Variants in MSI2 observed in about 807,000 individuals in gnomAD.
The protein encoded by MSI2 is RNA-binding protein Musashi homolog 2.
Under a neutral mutation model 45.6 loss-of-function variants are expected in MSI2, and 17 were observed. That is an observed-to-expected ratio of 0.37 (90% CI 0.26 to 0.56). The LOEUF is 0.56. Ranked by LOEUF, MSI2 falls within the 20% of genes least tolerant of loss-of-function variation. The pLI is 0.77. For missense variants in MSI2, 293 were observed against 444.2 expected, an observed-to-expected ratio of 0.66 and a Z score of 3.06; for synonymous variants, 156 against 158.2, an observed-to-expected ratio of 0.99 and a Z score of 0.11.
At chr17:57,476,977 C>T (rs1169196608) in intron 6 of MSI2, among the ~76,000 whole-genome samples, 1 of 151,198 alleles carries the variant, frequency 6.6e-6, no homozygotes, top group African/African-American at 2.5e-5. Context: ...AAGGCCTCAC[C>T]CCCGTCTGGC....
chr17:57,256,455 AGGAGATGGGGGTGGGGAGGAGGAGGG>A (rs1906715212), upstream of MSI2: 2 of 98,930 alleles, frequency 2.0e-5, no homozygotes, highest in Middle Eastern at 2.7e-3. Flanking sequence ...GAGGAGGAGG[AGGAGATGGGGGTGGGGAGGAGGAGGG>A]GGAGAGGTGG....
At position 57,596,129 on chromosome 17, in the gene MSI2, GAAGAAA is replaced by G. The variant is rs1567924387; in HGVS notation, c.455-738_455-733del. Among the ~76,000 whole-genome samples, 3 of 152,208 alleles carry G rather than the reference GAAGAAA, an allele frequency of 2.0e-5. No homozygotes were observed. Among genetic ancestry groups the G allele is most frequent in the African/African-American group, 7.2e-5 (3 of 41,458 alleles). On this transcript the variant is annotated intron_variant, in intron 7 of 13. Coordinates refer to ENST00000284073, the MANE Select transcript of MSI2 (RefSeq NM_138962.4). The surrounding 1 kb of genome is among the most constrained non-coding windows in gnomAD (Gnocchi z 4.6). ...GGAAACGCTGTCGGAGGCGGGAGGA[GAAGAAA>G]GAAAGGGGCAGGAGGGTAGGAGAGG...
chr17:57,568,234 GAAAGATGCTT>G (rs1303605079), intron 7 of MSI2, among the ~76,000 whole-genome samples: 2 of 152,148 alleles, frequency 1.3e-5, no homozygotes, highest in Admixed American at 1.3e-4. Flanking sequence ...TATAGAAAAT[GAAAGATGCTT>G]TAGTTTTTCA....
At chr17:57,649,777 G>A (rs1019883662) in intron 10 of MSI2, among the ~76,000 whole-genome samples, 5 of 152,220 alleles carry the variant, frequency 3.3e-5, no homozygotes, top group Non-Finnish European at 7.3e-5. Flanking sequence ...CAGCAGAAGG[G>A]GGCCAGGAGG....
chr17:57,261,679 G>A (rs1014429115), intron 4 of MSI2, among the ~76,000 whole-genome samples: 1 of 152,114 alleles, frequency 6.6e-6, no homozygotes, highest in African/African-American at 2.4e-5. Context: ...TCCCTCCTGT[G>A]TTGTTTAGTT....
chr17:57,672,471 A>G (rs1158925653), intron 11 of MSI2, among the ~76,000 whole-genome samples: 2 of 152,196 alleles, frequency 1.3e-5, no homozygotes, highest in East Asian at 3.9e-4. Flanking sequence ...GGCATGCTAC[A>G]TCCTGTCTCC....
chr17:57,565,228 G>T (rs996876718), intron 7 of MSI2, among the ~76,000 whole-genome samples: 1 of 152,186 alleles, frequency 6.6e-6, no homozygotes, highest in Non-Finnish European at 1.5e-5. Flanking sequence ...AGATAGCACT[G>T]ATGCTTCCAG....
chr17:57,272,853 T>C (rs141121756), intron 5 of MSI2, among the ~76,000 whole-genome samples: 1 of 152,334 alleles, frequency 6.6e-6, no homozygotes, highest in East Asian at 1.9e-4. Flanking sequence ...AATAGCCAGA[T>C]AGGGCCTGGT....
chr17:57,504,644 A>G (rs2086187972), intron 6 of MSI2, among the ~76,000 whole-genome samples: 1 of 152,174 alleles, frequency 6.6e-6, no homozygotes, highest in African/African-American at 2.4e-5. Flanking sequence ...AGTTGTAGAA[A>G]AAGTGGCTGG....
At chr17:57,677,288 T>C (rs1913302300) in intron 13 of MSI2, among the ~76,000 whole-genome samples, 1 of 152,212 alleles carries the variant, frequency 6.6e-6, no homozygotes, top group Non-Finnish European at 1.5e-5. Flanking sequence ...CTCTCTCTCT[T>C]TTTTTCTTGA....
chr17:57,333,120 A>C (rs1914404016), intron 5 of MSI2, among the ~76,000 whole-genome samples: 1 of 152,168 alleles, frequency 6.6e-6, no homozygotes, highest in South Asian at 2.1e-4. Flanking sequence ...GACCTGGAAA[A>C]GTTGCTAAAC....
intron 5 of MSI2, among the ~76,000 whole-genome samples, chr17:57,329,127 T>C (rs1914054768): frequency 6.6e-6 from 1 of 152,160 alleles, no homozygotes; most frequent in Admixed American, 6.5e-5. Flanking sequence ...TAGTACCCAG[T>C]AATGACATAG....
intron 5 of MSI2, among the ~76,000 whole-genome samples, chr17:57,333,011 C>A (rs758253009): frequency 2.0e-5 from 3 of 151,044 alleles, no homozygotes; most frequent in Non-Finnish European, 2.9e-5. Context: ...GGCGACAGAG[C>A]GAGACTCTGT....
chr17:57,675,657 G>T (rs1913177739), intron 12 of MSI2, among the ~76,000 whole-genome samples: 1 of 152,152 alleles, frequency 6.6e-6, no homozygotes, highest in Non-Finnish European at 1.5e-5. Flanking sequence ...AGGTCCAGTG[G>T]CAGCGCTGGA....
intron 6 of MSI2, among the ~76,000 whole-genome samples, chr17:57,512,966 TC>T (rs1555616448): frequency 4.5e-5 from 5 of 110,702 alleles, no homozygotes; most frequent in Admixed American, 1.1e-4. Context: ...ATTAGCTTCT[TC>T]CTTTTTTTTT....
intron 6 of MSI2, among the ~76,000 whole-genome samples, chr17:57,461,329 G>A (rs2085223955): frequency 6.6e-6 from 1 of 152,118 alleles, no homozygotes; most frequent in Non-Finnish European, 1.5e-5. Flanking sequence ...AGTCTCACAG[G>A]TTCAATGACT....
intron 5 of MSI2, chr17:57,364,914 CT>C (rs1240166706): frequency 3.3e-5 from 5 of 150,822 alleles, no homozygotes; most frequent in Non-Finnish European, 7.4e-5. Flanking sequence ...TTTCTTTTTC[CT>C]TTTTAGCATT....
intron 8 of MSI2, among the ~76,000 whole-genome samples, chr17:57,608,056 TGAGTTTGCAAAG>T (rs1906824545): frequency 6.6e-6 from 1 of 152,140 alleles, no homozygotes; most frequent in Non-Finnish European, 1.5e-5. Flanking sequence ...TATGACTACC[TGAGTTTGCAAAG>T]GAGCAGAAGG....
At chr17:57,503,079 A>G (rs1222428533) in intron 6 of MSI2, among the ~76,000 whole-genome samples, 1 of 152,072 alleles carries the variant, frequency 6.6e-6, no homozygotes, top group Non-Finnish European at 1.5e-5. Flanking sequence ...CACCAGGCCT[A>G]TCTCCGTCTG....
Sources: gnomAD v4.1 joint callset for allele counts (sites outside exome capture counted in the v4.1 genomes callset) on GRCh38, gnomAD v4.1.1 for gene constraint, Gnocchi (gnomAD v3.1) non-coding constraint, MANE v1.5 for transcripts, NCBI Gene and HGNC (gene_info 2026-07-23, HGNC 2026-07-21) for gene names.